Variants in FBXO42 observed in about 807,000 individuals in gnomAD.
FBXO42 encodes the protein F-box only protein 42.
In FBXO42, 12 loss-of-function variants were observed where a neutral mutation model predicts 71.7. The ratio of observed to expected loss-of-function variants is 0.17; its 90% confidence interval spans 0.11 to 0.27. The LOEUF is 0.27. Among genes scored for constraint, FBXO42 ranks in the 10% least tolerant of loss-of-function variants. The pLI is 1.00. For synonymous variants in FBXO42, 325 were observed against 327.5 expected, an observed-to-expected ratio of 0.99 and a Z score of 0.08; for missense variants, 707 against 911.9, an observed-to-expected ratio of 0.78 and a Z score of 2.89.
chr1:16,291,570 T>C (rs1190106649), intron 4 of FBXO42, among the ~76,000 whole-genome samples: 2 of 150,784 alleles, frequency 1.3e-5, no homozygotes, highest in Non-Finnish European at 3.0e-5. Flanking sequence ...TTAGTAGAGA[T>C]GGGGTTTCGC....
At chr1:16,311,133 G>T (rs1248806920) in intron 2 of FBXO42, among the ~76,000 whole-genome samples, 1 of 105,356 alleles carries the variant, frequency 9.5e-6, no homozygotes, top group African/African-American at 3.8e-5. Context: ...AGCCGAGATC[G>T]CGCCCCTGCA....
chr1:16,251,043 C>T lies in FBXO42; in HGVS notation c.1781G>A (p.Ser594Asn), dbSNP rs1424790948. The T allele has an allele frequency of 3.1e-6, 5 of 1,614,192 alleles. No homozygotes were observed. ...AGGGATGGGCACTGTTTCTCCACTGCTCAAACTCTGGCTCCCAGGAGAGCC... is the reference window on the plus strand; with the variant it reads ...AGGGATGGGCACTGTTTCTCCACTGTTCAAACTCTGGCTCCCAGGAGAGCC... ...SPGSPGSQSLSSGETVPIPRP... is the reference protein window; with the variant it reads ...SPGSPGSQSLNSGETVPIPRP... The change falls in exon 10 of 10, where the codon AGC becomes AAC. Residue 594 changes from serine to asparagine, a missense_variant. Around this residue, in one of 5 missense-constraint regions of FBXO42, gnomAD observed 482 missense variants for 587.1 expected, o/e 0.82. Transcript: ENST00000375592. This position sits in a 1 kb window ranked among gnomAD's most constrained non-coding sequence, Gnocchi z 4.5.
chr1:16,286,721 G>A lies in FBXO42; in HGVS notation c.502+8062C>T, dbSNP rs147379584. Among the ~76,000 whole-genome samples the A allele has an allele frequency of 4.6e-5, 7 of 152,122 alleles. 1 individual carries two copies. The East Asian group carries it at 1.4e-3, about 29-fold the overall frequency. Reference sequence around the variant, plus strand: ...CTAATAAGCGTCTCAAACTCAATACGTTTCAAGTGGAATTTCTCATCTCTC... The same window carrying A: ...CTAATAAGCGTCTCAAACTCAATACATTTCAAGTGGAATTTCTCATCTCTC... On this transcript the variant is annotated intron_variant, in intron 4 of 9. Coordinates refer to ENST00000375592, the MANE Select transcript of FBXO42 (RefSeq NM_018994.3).
intron 4 of FBXO42, among the ~76,000 whole-genome samples, chr1:16,282,442 TCTCGAA>T (rs2081974224): frequency 6.6e-6 from 1 of 150,662 alleles, no homozygotes; most frequent in Admixed American, 6.6e-5. Flanking sequence ...GCCAGGGTGG[TCTCGAA>T]CTCCTGATCT....
chr1:16,261,714 T>G (rs535076838), intron 4 of FBXO42, among the ~76,000 whole-genome samples: 32 of 152,150 alleles, frequency 2.1e-4, no homozygotes, highest in African/African-American at 6.3e-4. Flanking sequence ...ATTTTTTTTT[T>G]TTGTTTTTGA....
Position 16,253,378 on chromosome 1 carries a change from A to C in FBXO42, c.865-226T>G, listed in dbSNP as rs1002703. On this transcript the variant is annotated intron_variant, in intron 7 of 9. Transcript: ENST00000375592. ...CTTTGTTGATCAAATATTAACATGA[A>C]TGTCAACCACATAAAATGCAGGATT... is the stretch of plus-strand genomic sequence containing the variant. The C allele has an allele frequency of 0.011, 6,353 of 594,456 alleles. 286 individuals carry two copies. In the African/African-American group the frequency reaches 0.11, roughly 10 times the overall value. 36.8% of individuals were successfully genotyped at this position (594,456 alleles called of 1,614,324 possible). A position where few individuals can be genotyped will look rare whatever the true frequency, so the allele number is the denominator to read the frequency against.
chr1:16,330,524 T>C (rs2082490129), intron 1 of FBXO42, among the ~76,000 whole-genome samples: 1 of 151,602 alleles, frequency 6.6e-6, no homozygotes, highest in African/African-American at 2.4e-5. Flanking sequence ...AATTAATTTA[T>C]TTGGCCAGGC....
At chr1:16,348,398 A>G (rs905645826) in intron 1 of FBXO42, among the ~76,000 whole-genome samples, 1 of 152,178 alleles carries the variant, frequency 6.6e-6, no homozygotes, top group African/African-American at 2.4e-5. Context: ...CATAGATTCT[A>G]TAAAAGTTTA....
intron 6 of FBXO42, among the ~76,000 whole-genome samples, chr1:16,255,173 C>T (rs1200832948): frequency 2.0e-5 from 3 of 152,140 alleles, no homozygotes; most frequent in Non-Finnish European, 2.9e-5. Context: ...TTTGATCCTA[C>T]TGAATAGAAC....
chr1:16,308,706 T>A (rs1046700954), intron 2 of FBXO42, among the ~76,000 whole-genome samples: 1 of 150,998 alleles, frequency 6.6e-6, no homozygotes, highest in Admixed American at 6.6e-5. Flanking sequence ...AGATGGAGGT[T>A]GACCATGTTC....
chr1:16,295,331 C>T (rs1179258606), intron 3 of FBXO42, among the ~76,000 whole-genome samples: 1 of 152,198 alleles, frequency 6.6e-6, no homozygotes, highest in East Asian at 1.9e-4. Flanking sequence ...TCCAATTCTC[C>T]TATTGTTTTT....
At chr1:16,291,820 T>G (rs768173275) in intron 4 of FBXO42, among the ~76,000 whole-genome samples, 1 of 152,084 alleles carries the variant, frequency 6.6e-6, no homozygotes, top group Non-Finnish European at 1.5e-5. Context: ...TACAGGCACA[T>G]GCCATCATGC....
Position 16,333,442 on chromosome 1 carries a change from C to G in FBXO42, c.-17-18007G>C, listed in dbSNP as rs914270694. 2.2e-5 allele frequency among the ~76,000 whole-genome samples: 3 copies of G among 137,664 alleles called. 1 individual carries two copies. Among genetic ancestry groups the G allele is most frequent in the South Asian group, 4.9e-4 (2 of 4,044 alleles). The allele number at this position is 137,664 out of a possible 152,430, so 90.3% of individuals were successfully genotyped here. A position where few individuals can be genotyped will look rare whatever the true frequency, so the allele number is the denominator to read the frequency against. On this transcript the variant is annotated intron_variant, in intron 1 of 9. Coordinates refer to ENST00000375592, the MANE Select transcript of FBXO42 (RefSeq NM_018994.3). ...AGCCTGGGCAAATAGTGAGACCCCC[C>G]CCCCCCATTTCCAAGAAGAAAAAAA...
At chr1:16,331,135 T>G (rs1016805956) in intron 1 of FBXO42, among the ~76,000 whole-genome samples, 24 of 150,908 alleles carry the variant, frequency 1.6e-4, no homozygotes, top group Non-Finnish European at 3.1e-4. Context: ...AATAATAGGC[T>G]GGGCATGGTG....
chr1:16,262,613 C>T (rs756009419), intron 4 of FBXO42, among the ~76,000 whole-genome samples: 57 of 152,220 alleles, frequency 3.7e-4, no homozygotes, highest in Middle Eastern at 6.8e-3. Flanking sequence ...TCGCTTGAAC[C>T]TGGGAGGTGG....
At chr1:16,267,708 C>A (rs762737107) in intron 4 of FBXO42, among the ~76,000 whole-genome samples, 2 of 152,174 alleles carry the variant, frequency 1.3e-5, no homozygotes, top group Non-Finnish European at 2.9e-5. Context: ...TGATTGACAT[C>A]AACATTCACT....
chr1:16,321,630 T>C (rs1016141507), intron 1 of FBXO42, among the ~76,000 whole-genome samples: 14 of 152,006 alleles, frequency 9.2e-5, no homozygotes, highest in African/African-American at 3.1e-4. Context: ...TACTAGGCAT[T>C]CAAATGAGTG....
At chr1:16,275,855 T>C (rs572638228) in intron 4 of FBXO42, among the ~76,000 whole-genome samples, 15 of 151,270 alleles carry the variant, frequency 9.9e-5, no homozygotes, top group African/African-American at 3.2e-4. Context: ...CTAAAAAAAT[T>C]AGCCAGGCGT....
chr1:16,348,017 A>G (rs1425907567), intron 1 of FBXO42, among the ~76,000 whole-genome samples: 1 of 151,884 alleles, frequency 6.6e-6, no homozygotes, highest in Non-Finnish European at 1.5e-5. Context: ...AAAGAAAAAA[A>G]GAAAAGAAAG....
Sources: gnomAD v4.1 joint callset for allele counts (sites outside exome capture counted in the v4.1 genomes callset) on GRCh38, gnomAD v4.1.1 for gene constraint, gnomAD v4.1.1 regional missense constraint, Gnocchi (gnomAD v3.1) non-coding constraint, MANE v1.5 for transcripts, NCBI Gene and HGNC (gene_info 2026-07-23, HGNC 2026-07-21) for gene names.